AUTS2: variants seen among roughly 807,000 people sequenced by gnomAD.
The protein encoded by AUTS2 is autism susceptibility gene 2 protein.
In AUTS2, 17 loss-of-function variants were observed where a neutral mutation model predicts 112.4. That is an observed-to-expected ratio of 0.15 (90% CI 0.10 to 0.23). The LOEUF is 0.23. Ranked by LOEUF, AUTS2 falls within the 10% of genes least tolerant of loss-of-function variation. AUTS2 has a pLI of 1.00. For synonymous variants in AUTS2, 751 were observed against 702.7 expected (o/e 1.07, Z -1.09); for missense variants, 1,510 against 1,701.6 (o/e 0.89, Z 1.98).
chr7:70,066,690 C>T (rs981479596), intron 2 of AUTS2, among the ~76,000 whole-genome samples: 2 of 152,034 alleles, frequency 1.3e-5, no homozygotes, highest in Non-Finnish European at 2.9e-5. Context: ...CAGGTGCATG[C>T]CACCACACCC....
intron 1 of AUTS2, among the ~76,000 whole-genome samples, chr7:69,735,047 C>T (rs1039883914): frequency 9.9e-5 from 15 of 152,204 alleles, no homozygotes; most frequent in African/African-American, 3.4e-4. Flanking sequence ...TCTATTGCAT[C>T]CTCCAGAAGC....
At chr7:70,765,087 T>C (rs796406304) in intron 8 of AUTS2, 82 bp downstream of exon 8, 15 of 1,530,476 alleles carry the variant, frequency 9.8e-6, no homozygotes, top group Middle Eastern at 1.9e-4. Flanking sequence ...TTGTCCCGAT[T>C]GCAAGGTTGC....
At chr7:70,013,879 G>A (rs1353150953) in intron 2 of AUTS2, among the ~76,000 whole-genome samples, 2 of 152,048 alleles carry the variant, frequency 1.3e-5, no homozygotes, top group Non-Finnish European at 2.9e-5. Flanking sequence ...CACCACGCCC[G>A]GCTAATGTTT....
chr7:70,212,548 C>T (rs1562790429), intron 4 of AUTS2, among the ~76,000 whole-genome samples: 2 of 152,252 alleles, frequency 1.3e-5, no homozygotes, highest in African/African-American at 4.8e-5. Flanking sequence ...GATAACTCCA[C>T]AGTTTGTTTG....
At chr7:70,007,559 A>G (rs1799601219) in intron 2 of AUTS2, among the ~76,000 whole-genome samples, 1 of 152,196 alleles carries the variant, frequency 6.6e-6, no homozygotes, top group Admixed American at 6.5e-5. Flanking sequence ...ATTATGTGAT[A>G]GTCACTATGG....
intron 1 of AUTS2, among the ~76,000 whole-genome samples, chr7:69,792,335 G>T (rs539276567): frequency 4.6e-5 from 7 of 151,962 alleles, no homozygotes; most frequent in East Asian, 1.9e-4. Flanking sequence ...CGCCTCCCGG[G>T]TTCATGCCAT....
chr7:69,866,493 C>T (rs79175911), intron 1 of AUTS2, among the ~76,000 whole-genome samples: 360 of 152,270 alleles, frequency 2.4e-3, no homozygotes, highest in African/African-American at 8.2e-3. Flanking sequence ...CTGTCACATA[C>T]TGTAGGTATT....
chr7:70,555,113 GATACTAGAGT>G (rs1801193021), intron 5 of AUTS2, among the ~76,000 whole-genome samples: 2 of 152,204 alleles, frequency 1.3e-5, no homozygotes. Flanking sequence ...TACTATGAAA[GATACTAGAGT>G]ATCTGGAAAG....
At chr7:70,594,209 C>G (rs1234283469) in intron 5 of AUTS2, among the ~76,000 whole-genome samples, 2 of 152,194 alleles carry the variant, frequency 1.3e-5, no homozygotes, top group Non-Finnish European at 2.9e-5. Context: ...CCCACTTTGA[C>G]CCTGACCTTT....
chr7:70,137,654 A>G (rs956300434), intron 4 of AUTS2, among the ~76,000 whole-genome samples: 1 of 152,132 alleles, frequency 6.6e-6, no homozygotes, highest in Non-Finnish European at 1.5e-5. Context: ...TATGTCTCTG[A>G]GTCTATTTCC....
chr7:70,698,463 G>A (rs985278393), intron 5 of AUTS2, 106 bp from the exon 6 acceptor site: 1 of 1,000,962 alleles, frequency 1.0e-6, no homozygotes, highest in African/African-American at 1.6e-5. Context: ...TTCCCTGCTA[G>A]GCTTTCGTAA....
intron 10 of AUTS2, 42 bp downstream of exon 10, chr7:70,768,110 T>G: frequency 1.3e-6 from 2 of 1,559,584 alleles, no homozygotes; most frequent in South Asian, 2.4e-5. Context: ...GTAACTGCTT[T>G]GCCATTTTTG....
At chr7:70,565,389 G>A (rs561666281) in intron 5 of AUTS2, among the ~76,000 whole-genome samples, 5 of 152,110 alleles carry the variant, frequency 3.3e-5, no homozygotes, top group Non-Finnish European at 7.3e-5. Flanking sequence ...GGAATAGAAG[G>A]TTACTATGCA....
chr7:70,288,281 A>G (rs1477931115), intron 4 of AUTS2, among the ~76,000 whole-genome samples: 1 of 152,106 alleles, frequency 6.6e-6, no homozygotes, highest in Non-Finnish European at 1.5e-5. Context: ...GGGTGCCTGT[A>G]GTCCCAGCTA....
intron 5 of AUTS2, among the ~76,000 whole-genome samples, chr7:70,545,433 C>G (rs940931317): frequency 6.6e-6 from 1 of 152,172 alleles, no homozygotes; most frequent in Non-Finnish European, 1.5e-5. Context: ...AAGCCACTCA[C>G]CCATATAAAG....
intron 4 of AUTS2, among the ~76,000 whole-genome samples, chr7:70,408,720 T>C (rs1406089016): frequency 2.0e-5 from 3 of 152,162 alleles, no homozygotes; most frequent in Non-Finnish European, 2.9e-5. Context: ...CTCTTACACC[T>C]AGAGATCATG....
At chr7:70,228,539 T>C (rs1307699061) in intron 4 of AUTS2, among the ~76,000 whole-genome samples, 1 of 151,908 alleles carries the variant, frequency 6.6e-6, no homozygotes, top group African/African-American at 2.4e-5. Context: ...TAGTGTATCA[T>C]TTTTATTACT....
At position 70,536,638 on chromosome 7, in the gene AUTS2, C is replaced by G. The variant is rs546703357; in HGVS notation, c.690+100857C>G. Among the ~76,000 whole-genome samples the G allele has an allele frequency of 5.0e-5, 7 of 138,798 alleles. No individual in the cohort carries two copies. The South Asian group carries it at 1.7e-3, about 33-fold the overall frequency. 91.1% of individuals were successfully genotyped at this position (138,798 alleles called of 152,430 possible). ...AAAGTAGGCCAAGCGCAGTGGCTCA[C>G]GCCTGTAATCCCAGGACTTTGGGAG... On this transcript the variant is annotated intron_variant, in intron 5 of 18. Transcript: ENST00000342771.
Position 70,763,259 on chromosome 7 carries a change from G to A in AUTS2, c.1132G>A (p.Val378Met), listed in dbSNP as rs771546186. Residue 378 changes from valine to methionine, a missense_variant, in exon 7 of 19, where the codon GTG becomes ATG. Val to Met is a conservative substitution (Grantham distance 21). Transcript: ENST00000342771. ...TQLLHQNLPP[V>M]QAHPSAQSLS... is the part of the protein sequence containing the mutation. ...GCTGCTCCATCAGAACCTCCCACCTGTGCAGGCCCACCCCTCTGCTCAGAG... is the reference window on the plus strand; with the variant it reads ...GCTGCTCCATCAGAACCTCCCACCTATGCAGGCCCACCCCTCTGCTCAGAG... The A allele has an allele frequency of 4.3e-6, 7 of 1,613,560 alleles. No individual in the cohort carries two copies. In the Admixed American group the frequency reaches 1.2e-4, roughly 27 times the overall value.
Sources: gnomAD v4.1 joint callset for allele counts (sites outside exome capture counted in the v4.1 genomes callset) on GRCh38, gnomAD v4.1.1 for gene constraint, MANE v1.5 for transcripts, NCBI Gene and HGNC (gene_info 2026-07-23, HGNC 2026-07-21) for gene names.